UNC13A: variants seen among roughly 807,000 people sequenced by gnomAD.
UNC13A encodes the protein unc-13 homolog A, also known as protein unc-13 homolog A.
UNC13A carries 61 observed loss-of-function variants against 219.7 expected under a neutral mutation model. The ratio of observed to expected loss-of-function variants is 0.28; its 90% CI spans 0.23 to 0.34. The LOEUF is 0.34. UNC13A is among the 10% of genes least tolerant of loss of function. The pLI is 1.00. For missense variants in UNC13A, 1,476 were observed against 2,270.3 expected, an observed-to-expected ratio of 0.65 and a Z score of 7.11; for synonymous variants, 920 against 884.6, an observed-to-expected ratio of 1.04 and a Z score of -0.71.
At chr19:17,679,408 T>TATAATAATA (rs548278832) in intron 1 of UNC13A, among the ~76,000 whole-genome samples, 82 of 149,416 alleles carry the variant, frequency 5.5e-4, no homozygotes, top group African/African-American at 1.9e-3. Context: ...TCAAAAAATA[T>TATAATAATA]ATAATAATAA....
At chr19:17,647,152 C>G (rs1296795925) in intron 17 of UNC13A, 113 bp downstream of exon 17, 6 of 1,017,930 alleles carry the variant, frequency 5.9e-6, no homozygotes, top group Non-Finnish European at 8.6e-6. Flanking sequence ...GGAATGCACC[C>G]GACCGAGTGA....
At position 17,639,468 on chromosome 19, in the gene UNC13A, G is replaced by A. The variant is rs1293233784; in HGVS notation, c.2914C>T (p.Leu972Phe). The A allele has an allele frequency of 6.2e-7, 1 of 1,613,454 alleles. No homozygotes were observed. Among genetic ancestry groups the A allele is most frequent in the Admixed American group, 1.7e-5 (1 of 59,974 alleles). The change falls in exon 24 of 44, where the codon CTT becomes TTT. Residue 972 changes from leucine (L) to phenylalanine (F), a missense_variant. Physicochemically the swap from Leu to Phe is conservative, Grantham distance 22. Around this residue, in one of 14 missense-constraint regions of UNC13A, gnomAD observed 140 missense variants for 270.9 expected, o/e 0.52. Transcript: ENST00000519716. Reference protein sequence around the residue: ...RLQDLKSTVDLLTSITFFRMK... With the variant: ...RLQDLKSTVDFLTSITFFRMK... ...CGAAAGAAGGTGATGCTGGTGAGAAGGTCCACAGTGGATTTGAGGTCCTGG... is the reference window on the plus strand; with the variant it reads ...CGAAAGAAGGTGATGCTGGTGAGAAAGTCCACAGTGGATTTGAGGTCCTGG...
chr19:17,641,309 C>G (rs1017051140), intron 21 of UNC13A, 84 bp downstream of exon 21: 136 of 1,541,212 alleles, frequency 8.8e-5, no homozygotes, highest in Non-Finnish European at 1.2e-4. Context: ...GGTCTTCCCC[C>G]TGAGAATCCC....
rs1818889412 is a variant in UNC13A at position 17,602,750 on chromosome 19, G to A, written c.*3304C>T. 1.3e-5 allele frequency: 2 copies of A among 152,296 alleles called. No homozygotes were observed. The highest frequency in any genetic ancestry group is 4.8e-5 in the African/African-American group (2 of 41,448). The allele number at this position is 152,296 out of a possible 1,614,324, so 9.4% of individuals were successfully genotyped here. On this transcript the variant is annotated 3_prime_UTR_variant, in exon 44 of 44. Coordinates refer to ENST00000519716, the MANE Select transcript of UNC13A (RefSeq NM_001080421.3). ...GGCTCAGACACCTCCTATGTGCCCA[G>A]GTCCGTGTGGAAGGGGAAGGTTGGT...
chr19:17,630,112 C>T (rs527837979), intron 30 of UNC13A, 33 bp downstream of exon 30: 20 of 1,550,026 alleles, frequency 1.3e-5, no homozygotes, highest in African/African-American at 4.1e-5. Context: ...CTGACCCTGT[C>T]CCCTAGCCCC....
At chr19:17,644,956 T>A (rs1308743698) in intron 19 of UNC13A, among the ~76,000 whole-genome samples, 1 of 150,794 alleles carries the variant, frequency 6.6e-6, no homozygotes, top group African/African-American at 2.4e-5. Flanking sequence ...CCTCCCATAG[T>A]GATAGGATTA....
chr19:17,657,998 C>T (rs746632470), intron 9 of UNC13A, 64 bp downstream of exon 9: 122 of 1,543,290 alleles, frequency 7.9e-5, no homozygotes, highest in Non-Finnish European at 1.0e-4. Context: ...CAGCCCCGTA[C>T]CCCTCTCTCC....
intron 41 of UNC13A, among the ~76,000 whole-genome samples, chr19:17,612,714 C>T (rs1288095832): frequency 2.0e-5 from 3 of 152,004 alleles, no homozygotes. Context: ...CATGGTGGGG[C>T]GTGCTTGTAG....
At position 17,647,372 on chromosome 19, in the gene UNC13A, T is replaced by C. The variant is rs755800742; in HGVS notation, c.1937A>G (p.Gln646Arg). The C allele has an allele frequency of 1.9e-6, 3 of 1,613,740 alleles. No individual in the cohort carries two copies. Among genetic ancestry groups the C allele is most frequent in the Non-Finnish European group, 8.5e-7 (1 of 1,179,824 alleles). The change falls in exon 17 of 44, where the codon CAG (glutamine) becomes CGG (arginine). Residue 646 changes from glutamine to arginine, a missense_variant. Transcript: ENST00000519716. The part of the protein sequence containing the change: ...RNKPEIFELI[Q>R]EIFAVTKTAH... ...CGTCTTGGTCACCGCGAAGATCTCC[T>C]GGATGAGCTCGAAGATCTCGGGCTT...
In UNC13A at chr19:17,646,049, C is replaced by G; in HGVS notation, c.2107G>C (p.Val703Leu). 1 of 1,613,878 alleles carries G rather than the reference C, an allele frequency of 6.2e-7. No homozygotes were observed. The highest frequency in any genetic ancestry group is 8.5e-7 in the Non-Finnish European group (1 of 1,179,846). ...CGTTTCTTGGTCTTCCCGACCTGGA[C>G]GGTGACATAGGGGTCACTGGATCCT... is the stretch of plus-strand genomic sequence containing the variant. The part of the protein sequence containing the change: ...KTGSSDPYVT[V>L]QVGKTKKRTK... The change falls in exon 18 of 44, where the codon GTC becomes CTC. Residue 703 changes from valine (V) to leucine (L), a missense_variant. Val to Leu is a conservative substitution (Grantham distance 32). This residue lies in a region of UNC13A where 66 missense variants were observed against 224.3 expected (regional missense o/e 0.29). Transcript: ENST00000519716.
chr19:17,628,148 G>A (rs532934140), intron 31 of UNC13A: 8 of 567,086 alleles, frequency 1.4e-5, no homozygotes, highest in Non-Finnish European at 2.5e-5. Flanking sequence ...ACTGGTGGGG[G>A]CAAGGAGGAC....
intron 1 of UNC13A, among the ~76,000 whole-genome samples, chr19:17,677,546 G>A (rs7251752): frequency 0.28 from 42,729 of 151,694 alleles, 8,417 homozygotes; most frequent in African/African-American, 0.56. Context: ...GTATTTTTTA[G>A]TAGAGACAGG....
intron 19 of UNC13A, among the ~76,000 whole-genome samples, chr19:17,644,416 T>C (rs1480447522): frequency 1.3e-5 from 2 of 151,628 alleles, no homozygotes; most frequent in Admixed American, 1.3e-4. Flanking sequence ...CTCGAACTCC[T>C]GGGCTCAAGT....
intron 12 of UNC13A, among the ~76,000 whole-genome samples, chr19:17,650,303 T>C (rs1225549604): frequency 6.6e-6 from 1 of 151,850 alleles, no homozygotes; most frequent in African/African-American, 2.4e-5. Flanking sequence ...CACCTGAGGT[T>C]AGGAGTTCGA....
intron 41 of UNC13A, chr19:17,614,392 C>G (rs1312216403): frequency 2.0e-5 from 3 of 152,154 alleles, no homozygotes; most frequent in African/African-American, 7.2e-5. Flanking sequence ...TTGGGGCCAC[C>G]AGCCGTGTCC....
intron 43 of UNC13A, among the ~76,000 whole-genome samples, chr19:17,607,034 T>C (rs1445914160): frequency 8.5e-5 from 13 of 152,068 alleles, no homozygotes; most frequent in Admixed American, 8.5e-4. Context: ...ATCCCTGAAG[T>C]ACTCCGGCCC....
At chr19:17,663,466 T>A (rs2079588368) in intron 8 of UNC13A, 66 bp downstream of exon 8, 1 of 1,577,048 alleles carries the variant, frequency 6.3e-7, no homozygotes, top group African/African-American at 1.3e-5. Flanking sequence ...GGGAGGGGCC[T>A]TGGGATCACC....
chr19:17,683,760 G>A (rs1028280089), intron 1 of UNC13A, among the ~76,000 whole-genome samples: 1 of 152,070 alleles, frequency 6.6e-6, no homozygotes, highest in Non-Finnish European at 1.5e-5. Context: ...TCACTGATTT[G>A]TTCATGTCAT....
At chr19:17,629,145 A>T in intron 31 of UNC13A, 95 bp downstream of exon 31, 1 of 1,052,958 alleles carries the variant, frequency 9.5e-7, no homozygotes, top group Non-Finnish European at 1.4e-6. Context: ...GTGGACATAC[A>T]TAGCCCCAGG....
Sources: allele counts gnomAD v4.1 joint callset (sites outside exome capture counted in the v4.1 genomes callset), GRCh38; gene constraint gnomAD v4.1.1; regional missense constraint gnomAD v4.1.1; transcripts MANE v1.5; gene names NCBI Gene and HGNC (gene_info 2026-07-23, HGNC 2026-07-21).